Variants in FGF13 observed in about 807,000 individuals in gnomAD.
FGF13 encodes fibroblast growth factor 13, also known as fibroblast growth factor homologous factor 2.
FGF13 carries 2 observed loss-of-function variants against 19.5 expected under a neutral mutation model. That is an observed-to-expected ratio of 0.10 (90% CI 0.04 to 0.32). The LOEUF (loss-of-function observed/expected upper bound fraction) is 0.32. Among genes scored for constraint, FGF13 ranks in the 10% least tolerant of loss-of-function variants. The pLI, the probability that FGF13 is intolerant of heterozygous loss-of-function variation, is 1.00. For missense variants in FGF13, 113 were observed against 192.7 expected, an observed-to-expected ratio of 0.59 and a Z score of 2.45; for synonymous variants, 72 against 76.9, an observed-to-expected ratio of 0.94 and a Z score of 0.33.
intron 1 of FGF13, among the ~76,000 whole-genome samples, chrX:139,196,597 T>A (rs1192330725): frequency 1.8e-5 from 2 of 112,278 alleles, no homozygotes; most frequent in Non-Finnish European, 3.8e-5. Context: ...GGAAGTAATT[T>A]CGTCTTTGTG....
intron 1 of FGF13, among the ~76,000 whole-genome samples, chrX:138,991,109 C>T (rs1409812402): frequency 8.9e-6 from 1 of 111,971 alleles, no homozygotes; most frequent in Non-Finnish European, 1.9e-5. Flanking sequence ...GATAATAGAG[C>T]TGGACTGAAA....
upstream of FGF13, among the ~76,000 whole-genome samples, chrX:139,204,479 G>A (rs1439700162): frequency 2.7e-5 from 3 of 112,158 alleles, no homozygotes; most frequent in East Asian, 8.7e-4. Flanking sequence ...CCCCCGGGGC[G>A]GCCGAGAGGA....
chrX:138,754,802 CA>C (rs2090421447), intron 3 of FGF13, among the ~76,000 whole-genome samples: 2 of 111,347 alleles, frequency 1.8e-5, no homozygotes, highest in Non-Finnish European at 3.8e-5. Context: ...CAGTCCCCAG[CA>C]AAAACCGTAG....
intron 1 of FGF13, among the ~76,000 whole-genome samples, chrX:138,939,786 A>G (rs1381801306): frequency 2.7e-5 from 3 of 112,362 alleles, no homozygotes; most frequent in Non-Finnish European, 5.6e-5. Flanking sequence ...TCTGTGGTGT[A>G]TATCTACCAC....
At chrX:138,932,618 G>A (rs889539179) in intron 1 of FGF13, among the ~76,000 whole-genome samples, 6 of 108,425 alleles carry the variant, frequency 5.5e-5, no homozygotes, top group Admixed American at 2.0e-4. Context: ...CAACCACAAC[G>A]ACAAAAAAAG....
intron 1 of FGF13, among the ~76,000 whole-genome samples, chrX:138,975,590 T>C (rs1002922397): frequency 1.8e-5 from 2 of 111,019 alleles, no homozygotes; most frequent in Non-Finnish European, 3.8e-5. Context: ...AGAAGGTTCC[T>C]TGGAGTAGAT....
intron 1 of FGF13, among the ~76,000 whole-genome samples, chrX:138,903,175 T>C (rs1177183588): frequency 8.9e-6 from 1 of 111,766 alleles, no homozygotes; most frequent in Non-Finnish European, 1.9e-5. Context: ...TGGATAAATG[T>C]TATTGTAGAA....
At chrX:138,649,985 C>T (rs943867584) in intron 3 of FGF13, among the ~76,000 whole-genome samples, 23 of 112,260 alleles carry the variant, frequency 2.0e-4, no homozygotes, top group Admixed American at 8.5e-4. Context: ...GTGCCTATCA[C>T]GTGCACTAGT....
chrX:138,723,703 T>G lies in FGF13; in HGVS notation c.29-14775A>C, dbSNP rs1448738365. 1.7e-4 allele frequency among the ~76,000 whole-genome samples: 19 copies of G among 111,975 alleles called. No homozygotes were observed. The Admixed American group carries it at 1.8e-3, about 11-fold the overall frequency. On this transcript the variant is annotated intron_variant, in intron 1 of 4. Transcript: ENST00000305414. ...AAAATTAAACCTTTTAAGAAATTAG[T>G]TAACAAGAAGGGAACGTTACAATTC...
chrX:138,967,850 A>T (rs2091901092), intron 1 of FGF13, among the ~76,000 whole-genome samples: 1 of 111,607 alleles, frequency 9.0e-6, no homozygotes, highest in Non-Finnish European at 1.9e-5. Flanking sequence ...TCTATAACTG[A>T]TCATCACTCA....
At chrX:138,811,625 C>A (rs1023022596) in intron 3 of FGF13, among the ~76,000 whole-genome samples, 5 of 111,040 alleles carry the variant, frequency 4.5e-5, no homozygotes, top group Non-Finnish European at 9.5e-5. Context: ...AAATAGTTTT[C>A]TGCCTCTGTA....
intron 1 of FGF13, among the ~76,000 whole-genome samples, chrX:138,995,001 A>G (rs961939015): frequency 3.5e-5 from 3 of 85,312 alleles, no homozygotes; most frequent in Non-Finnish European, 7.2e-5. Context: ...AAAAAAAAAA[A>G]AGCATCTTCA....
At position 138,673,061 on chromosome X, in the gene FGF13, C is replaced by T. The variant is rs142353862; in HGVS notation, c.402+29923G>A. Among the ~76,000 whole-genome samples, 237 of 110,246 alleles carry T rather than the reference C, an allele frequency of 2.1e-3. 1 individual carries two copies. Among genetic ancestry groups the T allele is most frequent in the Middle Eastern group, 9.3e-3 (2 of 216 alleles). On this transcript the variant is annotated intron_variant, in intron 3 of 4. Coordinates refer to ENST00000315930, the MANE Select transcript of FGF13 (RefSeq NM_004114.5). ...GGAAGAGTAATTGGGTAGAATAATG[C>T]GGGGAGGGGTAAAAACCTGATTGGA...
intron 1 of FGF13, among the ~76,000 whole-genome samples, chrX:138,902,539 T>A (rs1482698713): frequency 8.9e-6 from 1 of 111,786 alleles, no homozygotes; most frequent in African/African-American, 3.2e-5. Flanking sequence ...CTCCATCAAC[T>A]TTTTAGCTAT....
intron 1 of FGF13, among the ~76,000 whole-genome samples, 187 bp from the exon 2 acceptor site, chrX:138,709,115 T>A (rs2090018783): frequency 8.9e-6 from 1 of 112,984 alleles, no homozygotes; most frequent in East Asian, 2.8e-4. Context: ...TAAAGAAACA[T>A]TTTATTTCTA....
chrX:138,823,937 C>T (rs945560414), intron 3 of FGF13, among the ~76,000 whole-genome samples: 3 of 111,869 alleles, frequency 2.7e-5, no homozygotes, highest in Admixed American at 9.5e-5. Flanking sequence ...CTTGCATGTC[C>T]TATCCCTGCC....
intron 1 of FGF13, among the ~76,000 whole-genome samples, chrX:139,010,361 T>C (rs2092123243): frequency 9.0e-6 from 1 of 111,392 alleles, no homozygotes; most frequent in Non-Finnish European, 1.9e-5. Flanking sequence ...ATTCCATTCA[T>C]AAGGACATGA....
intron 3 of FGF13, among the ~76,000 whole-genome samples, chrX:138,768,726 T>TA (rs1226957604): frequency 3.3e-4 from 32 of 97,883 alleles, no homozygotes; most frequent in African/African-American, 1.2e-3. Context: ...TAAGTATATA[T>TA]TATATATATA....
At chrX:139,090,626 T>C (rs1886623220) in intron 1 of FGF13, among the ~76,000 whole-genome samples, 1 of 110,599 alleles carries the variant, frequency 9.0e-6, no homozygotes, top group Non-Finnish European at 1.9e-5. Context: ...CCCCAGTGTG[T>C]GCTGTTAAAC....
Sources: gnomAD v4.1 joint callset for allele counts (sites outside exome capture counted in the v4.1 genomes callset) on GRCh38, gnomAD v4.1.1 for gene constraint, MANE v1.5 for transcripts, NCBI Gene and HGNC (gene_info 2026-07-23, HGNC 2026-07-21) for gene names.